CSMD1: variants seen among roughly 807,000 people sequenced by gnomAD.
CSMD1 encodes CUB and Sushi multiple domains 1.
CSMD1 carries 213 observed loss-of-function variants against 417.5 expected under a neutral mutation model. The observed-to-expected ratio is 0.51, with a 90% CI of 0.46 to 0.57. The LOEUF is 0.57. Ranked by LOEUF, CSMD1 falls within the 20% of genes least tolerant of loss-of-function variation. The pLI, the probability that CSMD1 is intolerant of heterozygous loss-of-function variation, is 0.00. For synonymous variants in CSMD1, 2,862 were observed against 1,736.8 expected, an observed-to-expected ratio of 1.65 and a Z score of -16.11; for missense variants, 6,923 against 4,529.7, an observed-to-expected ratio of 1.53 and a Z score of -15.17.
At chr8:3,208,352 TG>T (rs1358585009) in intron 30 of CSMD1, among the ~76,000 whole-genome samples, 2 of 152,104 alleles carry the variant, frequency 1.3e-5, no homozygotes, top group African/African-American at 4.8e-5. Context: ...CTGCAACCTC[TG>T]CCCCCCAGGT....
chr8:4,285,537 G>C (rs1797013102), intron 3 of CSMD1, among the ~76,000 whole-genome samples: 1 of 152,186 alleles, frequency 6.6e-6, no homozygotes, highest in Non-Finnish European at 1.5e-5. Flanking sequence ...GGATATCAGG[G>C]CTTTCTCTCC....
intron 7 of CSMD1, among the ~76,000 whole-genome samples, chr8:3,682,892 G>A (rs553326416): frequency 2.6e-5 from 4 of 152,270 alleles, no homozygotes; most frequent in Admixed American, 2.6e-4. Flanking sequence ...GTCATTTGTA[G>A]AAACATGGAT....
At chr8:4,671,854 T>C (rs994969805) in intron 1 of CSMD1, among the ~76,000 whole-genome samples, 3 of 152,152 alleles carry the variant, frequency 2.0e-5, no homozygotes, top group Admixed American at 6.5e-5. Flanking sequence ...TTATGCTTCA[T>C]CTTTTTAAAT....
At chr8:4,115,079 G>A (rs1463093917) in intron 3 of CSMD1, among the ~76,000 whole-genome samples, 3 of 152,174 alleles carry the variant, frequency 2.0e-5, no homozygotes, top group African/African-American at 7.2e-5. Flanking sequence ...GCAAAATGCT[G>A]TCAAACGGAA....
chr8:3,772,144 C>G (rs1456499987), intron 5 of CSMD1, among the ~76,000 whole-genome samples: 1 of 140,248 alleles, frequency 7.1e-6, no homozygotes, highest in Non-Finnish European at 1.5e-5. Context: ...CTCCTTTTCT[C>G]CTTGAATTCT....
At position 3,296,744 on chromosome 8, in the gene CSMD1, G is replaced by A. The variant is rs540853108; in HGVS notation, c.3950+10951C>T. 2.0e-5 allele frequency among the ~76,000 whole-genome samples: 3 copies of A among 152,268 alleles called. No individual in the cohort carries two copies. The South Asian group carries it at 6.2e-4, about 32-fold the overall frequency. On this transcript the variant is annotated intron_variant, in intron 25 of 69. Transcript: ENST00000635120. The stretch of plus-strand genomic sequence containing the variant: ...CGTGAGGTGAGGATGTGCTGGCCCT[G>A]TAGGTTTGTCCCTCAGAAACTGGAA...
intron 5 of CSMD1, among the ~76,000 whole-genome samples, chr8:3,917,333 T>G (rs1197577704): frequency 3.3e-5 from 5 of 152,024 alleles, no homozygotes; most frequent in Admixed American, 6.6e-5. Flanking sequence ...GAATGCTAAG[T>G]TTTGCAAATA....
chr8:4,964,334 A>G (rs1809705527), intron 1 of CSMD1, among the ~76,000 whole-genome samples: 1 of 151,732 alleles, frequency 6.6e-6, no homozygotes, highest in South Asian at 2.1e-4. Flanking sequence ...GCAGCATGGC[A>G]AAATCCCATT....
intron 3 of CSMD1, among the ~76,000 whole-genome samples, chr8:4,172,266 T>C (rs561368028): frequency 6.6e-6 from 1 of 152,176 alleles, no homozygotes; most frequent in Non-Finnish European, 1.5e-5. Context: ...ATGTCTGGAA[T>C]CCTCTTTGTT....
intron 6 of CSMD1, among the ~76,000 whole-genome samples, chr8:3,725,001 T>C (rs1345996908): frequency 6.6e-6 from 1 of 152,232 alleles, no homozygotes; most frequent in Non-Finnish European, 1.5e-5. Flanking sequence ...TAATATTTTA[T>C]ACAGCTATAA....
At chr8:3,242,173 G>C (rs1199109674) in intron 26 of CSMD1, among the ~76,000 whole-genome samples, 4 of 152,022 alleles carry the variant, frequency 2.6e-5, no homozygotes, top group Non-Finnish European at 5.9e-5. Flanking sequence ...AGGTGGGGGA[G>C]GGCTAGTCCC....
At chr8:4,074,963 G>C (rs144042916) in intron 3 of CSMD1, among the ~76,000 whole-genome samples, 7 of 152,188 alleles carry the variant, frequency 4.6e-5, no homozygotes, top group Non-Finnish European at 4.4e-5. Context: ...GACAGTTTGA[G>C]TCTGCCTTCC....
intron 1 of CSMD1, among the ~76,000 whole-genome samples, chr8:4,767,726 G>C (rs1306938962): frequency 6.6e-6 from 1 of 152,174 alleles, no homozygotes; most frequent in Non-Finnish European, 1.5e-5. Context: ...CACCACTTCT[G>C]TGCTCAGGCT....
rs116328634 is a variant in CSMD1, at chr8:4,425,302, C to T, written c.303-5237G>A. Among the ~76,000 whole-genome samples the T allele has an allele frequency of 3.8e-3, 564 of 148,132 alleles. 3 individuals carry two copies. The highest frequency in any genetic ancestry group is 0.013 in the African/African-American group (534 of 40,118). ...GAGGTTTGGGGTAATTTAATATGGA[C>T]GTATGTAGGGAAAATATATGCATGT... On this transcript the variant is annotated intron_variant, in intron 2 of 69. Coordinates refer to ENST00000635120, the MANE Select transcript of CSMD1 (RefSeq NM_033225.6).
intron 4 of CSMD1, among the ~76,000 whole-genome samples, chr8:4,007,642 C>T (rs1035484647): frequency 2.6e-5 from 4 of 152,102 alleles, no homozygotes; most frequent in African/African-American, 9.7e-5. Flanking sequence ...GCACCTGTTC[C>T]TAGGAGGCGG....
At chr8:4,988,408 G>C (rs927122802) in intron 1 of CSMD1, among the ~76,000 whole-genome samples, 22 of 152,280 alleles carry the variant, frequency 1.4e-4, no homozygotes, top group Admixed American at 1.4e-3. Flanking sequence ...ATTGCAAAAT[G>C]TATCAGTAAA....
At chr8:3,262,216 T>C (rs1218162107) in intron 26 of CSMD1, among the ~76,000 whole-genome samples, 1 of 105,848 alleles carries the variant, frequency 9.4e-6, no homozygotes, top group African/African-American at 3.5e-5. Context: ...TATATATATA[T>C]ATATATATAT....
intron 1 of CSMD1, among the ~76,000 whole-genome samples, chr8:4,746,617 T>A (rs1439373310): frequency 1.3e-5 from 2 of 152,212 alleles, no homozygotes; most frequent in South Asian, 4.1e-4. Context: ...CCACCACAGC[T>A]GGGTAGGATA....
intron 1 of CSMD1, among the ~76,000 whole-genome samples, chr8:4,942,177 C>T (rs1411757877): frequency 6.6e-6 from 1 of 152,098 alleles, no homozygotes; most frequent in African/African-American, 2.4e-5. Context: ...TTATTTTCAT[C>T]CACTTTTGCT....
Sources: gnomAD v4.1 joint callset for allele counts (sites outside exome capture counted in the v4.1 genomes callset) on GRCh38, gnomAD v4.1.1 for gene constraint, MANE v1.5 for transcripts, NCBI Gene and HGNC (gene_info 2026-07-23, HGNC 2026-07-21) for gene names.